The following DUSP11 variants were observed in gnomAD, a reference collection of about 807,000 sequenced individuals.
DUSP11 encodes RNA/RNP complex-1-interacting phosphatase.
A neutral mutation model predicts 41.4 loss-of-function variants in DUSP11; 27 were observed. The ratio of observed to expected loss-of-function variants is 0.65; its 90% CI spans 0.48 to 0.90. The LOEUF (loss-of-function observed/expected upper bound fraction) is 0.90. Ranked by LOEUF, DUSP11 falls within the 40% of genes least tolerant of loss-of-function variation. The pLI is 0.00. For synonymous variants in DUSP11, 188 were observed against 159.3 expected, an observed-to-expected ratio of 1.18 and a Z score of -1.35; for missense variants, 465 against 461.1, an observed-to-expected ratio of 1.01 and a Z score of -0.08.
At chr2:73,770,345 T>C (rs1474595361) in intron 4 of DUSP11, among the ~76,000 whole-genome samples, 1 of 151,576 alleles carries the variant, frequency 6.6e-6, no homozygotes, top group East Asian at 1.9e-4. Context: ...TGAAACCCCA[T>C]CTCTACTAAA....
chr2:73,780,109 T>C lies in DUSP11; in HGVS notation c.7A>G (p.Asn3Asp). ...ACGCCGCGCTCCAGCGTCTCGCTATTGCGCATGTGCCACCGCCGGTCGTGA... is the reference window on the plus strand; with the variant it reads ...ACGCCGCGCTCCAGCGTCTCGCTATCGCGCATGTGCCACCGCCGGTCGTGA... Residue 3 changes from asparagine to aspartate, a missense_variant, in exon 1 of 9, where the codon AAT becomes GAT. Asn to Asp is a conservative substitution (Grantham distance 23, BLOSUM62 1). Transcript: ENST00000272444. 1 of 1,558,028 alleles carries C rather than the reference T, an allele frequency of 6.4e-7. No homozygotes were observed.
intron 4 of DUSP11, among the ~76,000 whole-genome samples, chr2:73,770,635 TAA>T (rs1348042455): frequency 3.9e-5 from 6 of 152,230 alleles, no homozygotes; most frequent in Non-Finnish European, 8.8e-5. Flanking sequence ...GTTATCTTTC[TAA>T]AACATAAGCC....
At chr2:73,771,562 C>T (rs1196481150) in intron 4 of DUSP11, among the ~76,000 whole-genome samples, 2 of 151,648 alleles carry the variant, frequency 1.3e-5, no homozygotes, top group East Asian at 1.9e-4. Flanking sequence ...GGCGCAATCT[C>T]GGCTCACTGC....
At chr2:73,779,451 T>C in intron 1 of DUSP11, 1 of 197,990 alleles carries the variant, frequency 5.1e-6, no homozygotes, top group Admixed American at 5.3e-5. Flanking sequence ...CTCTTTGTGA[T>C]TTCTGGAAAC....
Position 73,766,911 on chromosome 2 carries a change from G to A in DUSP11, c.683-8C>T. On this transcript the variant is annotated splice_polypyrimidine_tract_variant and splice_region_variant and intron_variant, in intron 6 of 8. Transcript: ENST00000272444. The stretch of plus-strand genomic sequence containing the variant: ...CCCGGCACCTATTGAATACTGAGGA[G>A]AGGATAAACTGTTAGAAATAACTGT... The A allele has an allele frequency of 6.2e-7, 1 of 1,605,640 alleles. No individual in the cohort carries two copies. The highest frequency in any genetic ancestry group is 8.5e-7 in the Non-Finnish European group (1 of 1,174,702).
At chr2:73,766,545 G>A (rs773148624) in exon 8 of DUSP11, 4 of 1,613,758 alleles carry the variant, frequency 2.5e-6, no homozygotes, top group Non-Finnish European at 2.5e-6. Flanking sequence ...TGCATGAGAT[G>A]TGCTGAGTCT....
intron 2 of DUSP11, among the ~76,000 whole-genome samples, chr2:73,776,113 T>A (rs1355826298): frequency 6.6e-6 from 1 of 151,948 alleles, no homozygotes; most frequent in Non-Finnish European, 1.5e-5. Flanking sequence ...CAATGTACTT[T>A]TTAAAAAATA....
exon 1 of DUSP11, chr2:73,780,002 T>C (rs375725933): frequency 6.2e-7 from 1 of 1,614,194 alleles, no homozygotes; most frequent in Non-Finnish European, 8.5e-7. Flanking sequence ...GCCCACCCAA[T>C]GCCAAGTCGG....
At chr2:73,777,821 T>G (rs1672712961) in intron 2 of DUSP11, among the ~76,000 whole-genome samples, 1 of 152,218 alleles carries the variant, frequency 6.6e-6, no homozygotes, top group South Asian at 2.1e-4. Flanking sequence ...AAACACAAAG[T>G]ATTTTTTGTA....
At chr2:73,772,780 T>C (rs910831859) in intron 4 of DUSP11, among the ~76,000 whole-genome samples, 9 of 152,240 alleles carry the variant, frequency 5.9e-5, no homozygotes, top group African/African-American at 1.4e-4. Context: ...CCACATTAAG[T>C]GAGCGACTAG....
Position 73,780,104 on chromosome 2 carries a change from G to C in DUSP11, c.12C>G (p.Ser4Arg). 1 of 1,560,678 alleles carries C rather than the reference G, an allele frequency of 6.4e-7. No homozygotes were observed. Among genetic ancestry groups the C allele is most frequent in the Non-Finnish European group, 8.7e-7 (1 of 1,151,478 alleles). ...CACCTACGCCGCGCTCCAGCGTCTC[G>C]CTATTGCGCATGTGCCACCGCCGGT... The change falls in exon 1 of 9, where the codon AGC becomes AGG. Residue 4 changes from serine to arginine, a missense_variant. Transcript: ENST00000272444.
intron 1 of DUSP11, among the ~76,000 whole-genome samples, chr2:73,779,219 C>T (rs1179302501): frequency 6.6e-6 from 1 of 152,068 alleles, no homozygotes; most frequent in Non-Finnish European, 1.5e-5. Context: ...AACCCCACTG[C>T]AATAAGTCAG....
chr2:73,762,680 C>T (rs1168117803), exon 9 of DUSP11: 3 of 1,612,518 alleles, frequency 1.9e-6, no homozygotes, highest in Non-Finnish European at 2.5e-6. Flanking sequence ...CCATTCCCAA[C>T]AGGCTGGATA....
chr2:73,770,331 A>T (rs1224091427), intron 4 of DUSP11, among the ~76,000 whole-genome samples: 1 of 151,840 alleles, frequency 6.6e-6, no homozygotes, highest in Non-Finnish European at 1.5e-5. Context: ...CCTGGCCAAT[A>T]TGGTGAAACC....
chr2:73,779,849 A>G, intron 1 of DUSP11, 25 bp downstream of exon 1: 2 of 1,611,922 alleles, frequency 1.2e-6, no homozygotes, highest in African/African-American at 1.3e-5. Context: ...TGGAAAGGCC[A>G]CGCCAAGGGA....
chr2:73,780,145 A>T (rs760791090), exon 1 of DUSP11: 32 of 1,551,142 alleles, frequency 2.1e-5, no homozygotes, highest in Middle Eastern at 1.7e-4. Context: ...TGGCGTAGCC[A>T]CGCTGGCTTA....
rs775253527 is a variant in DUSP11 at position 73,766,821 on chromosome 2, G to A, written c.758+7C>T. 4 of 1,602,972 alleles carry A rather than the reference G, an allele frequency of 2.5e-6. No homozygotes were observed. The South Asian group carries it at 4.4e-5, about 18-fold the overall frequency. On this transcript the variant is annotated splice_region_variant and intron_variant, in intron 7 of 8. Transcript: ENST00000272444. Reference sequence around the variant, plus strand: ...CACAAATCTCACATATATAACATAAGACTTACTTTCTGATAGGACCATTCT... The same window carrying A: ...CACAAATCTCACATATATAACATAAAACTTACTTTCTGATAGGACCATTCT...
intron 5 of DUSP11, 107 bp downstream of exon 5, chr2:73,769,156 TTC>T: frequency 1.1e-6 from 1 of 878,760 alleles, no homozygotes; most frequent in Non-Finnish European, 1.8e-6. Context: ...CAAGACTGCC[TTC>T]TACTTCATGT....
At chr2:73,765,908 C>T (rs1009677901) in intron 8 of DUSP11, among the ~76,000 whole-genome samples, 3 of 152,266 alleles carry the variant, frequency 2.0e-5, no homozygotes, top group Admixed American at 6.5e-5. Flanking sequence ...AGTCCCTTTC[C>T]GAATTGCCTC....
Sources: gnomAD v4.1 joint callset for allele counts (sites outside exome capture counted in the v4.1 genomes callset) on GRCh38, gnomAD v4.1.1 for gene constraint, MANE v1.5 for transcripts, NCBI Gene and HGNC (gene_info 2026-07-23, HGNC 2026-07-21) for gene names.